NFE2L3: variants seen among roughly 807,000 people sequenced by gnomAD.
NFE2L3 encodes NFE2 like bZIP transcription factor 3.
A neutral mutation model predicts 23.5 loss-of-function variants in NFE2L3; 18 were observed. The ratio of observed to expected loss-of-function variants is 0.77; its 90% CI spans 0.53 to 1.13. The LOEUF (loss-of-function observed/expected upper bound fraction) is 1.13, where lower values mean the gene tolerates loss of function less well. Ranked by LOEUF, NFE2L3 falls within the 50% of genes most tolerant of loss-of-function variation. NFE2L3 has a pLI of 0.00. For synonymous variants in NFE2L3, 424 were observed against 354.5 expected (o/e 1.20, Z -2.20); for missense variants, 1,152 against 877.2 (o/e 1.31, Z -3.96).
chr7:26,181,776 A>C lies in NFE2L3; in HGVS notation c.751-1925A>C, dbSNP rs559112609. On this transcript the variant is annotated intron_variant, in intron 2 of 3. Transcript: ENST00000056233. ...ATCTATAAGGCAAGAACAGACTATCATGAAAAAAGAAAAAGATCTAGAAAA... is the reference window on the plus strand; with the variant it reads ...ATCTATAAGGCAAGAACAGACTATCCTGAAAAAAGAAAAAGATCTAGAAAA... Among the ~76,000 whole-genome samples, 158 of 152,176 alleles carry C rather than the reference A, an allele frequency of 1.0e-3. 2 individuals carry two copies. The highest frequency in any genetic ancestry group is 3.2e-3 in the Middle Eastern group (1 of 316).
intron 2 of NFE2L3, among the ~76,000 whole-genome samples, chr7:26,180,823 A>G (rs1210046145): frequency 2.0e-5 from 3 of 152,224 alleles, no homozygotes; most frequent in African/African-American, 4.8e-5. Context: ...GACAAACATC[A>G]ATTTGGACAA....
intron 1 of NFE2L3, among the ~76,000 whole-genome samples, chr7:26,171,100 A>C (rs934313500): frequency 6.6e-6 from 1 of 152,266 alleles, no homozygotes; most frequent in African/African-American, 2.4e-5. Context: ...AGGGCTTTTC[A>C]GTAGAATCCA....
intron 1 of NFE2L3, among the ~76,000 whole-genome samples, chr7:26,160,257 G>A (rs1200179085): frequency 6.6e-6 from 1 of 152,142 alleles, no homozygotes; most frequent in Non-Finnish European, 1.5e-5. Flanking sequence ...GCACCCGGCT[G>A]GATCTATGTT....
chr7:26,176,467 A>G (rs1364211192), intron 1 of NFE2L3, among the ~76,000 whole-genome samples: 1 of 151,568 alleles, frequency 6.6e-6, no homozygotes, highest in Admixed American at 6.6e-5. Flanking sequence ...CACTTCCCAG[A>G]CGGGGCGGCC....
At chr7:26,177,427 T>C (rs1784433267) in intron 1 of NFE2L3, among the ~76,000 whole-genome samples, 1 of 151,932 alleles carries the variant, frequency 6.6e-6, no homozygotes, top group African/African-American at 2.4e-5. Context: ...CGAAACCCCA[T>C]CTCCACCAAA....
At chr7:26,175,574 G>A (rs919034450) in intron 1 of NFE2L3, among the ~76,000 whole-genome samples, 23 of 151,890 alleles carry the variant, frequency 1.5e-4, no homozygotes, top group African/African-American at 3.9e-4. Context: ...TCAGGAGATC[G>A]AGACCATCCT....
intron 1 of NFE2L3, among the ~76,000 whole-genome samples, chr7:26,163,106 G>T (rs759235845): frequency 6.6e-6 from 1 of 152,068 alleles, no homozygotes; most frequent in Admixed American, 6.6e-5. Flanking sequence ...ATTCATGGCC[G>T]GTCATGTTTC....
intron 2 of NFE2L3, among the ~76,000 whole-genome samples, chr7:26,180,255 A>AGG (rs1429929008): frequency 6.6e-6 from 1 of 152,086 alleles, no homozygotes; most frequent in Non-Finnish European, 1.5e-5. Context: ...GATGAAGGGG[A>AGG]GGGGGTAGAG....
Position 26,152,975 on chromosome 7 carries a change from G to A in NFE2L3, c.477G>A (p.Ala159=). ...AGGGGGGCGGCGGGGACCCCCGAGC[G>A]GCTCGGAGTGGCCCCTTGGACGCCG... ...AVQGGGGDPR[A]ARSGPLDAGE... is the part of the protein sequence containing the mutation. Residue 159 remains alanine (A), a synonymous_variant, in exon 1 of 4, where the codon GCG becomes GCA. Coordinates refer to ENST00000056233, the MANE Select transcript of NFE2L3 (RefSeq NM_004289.7). This position sits in a 1 kb window ranked among gnomAD's most constrained non-coding sequence, Gnocchi z 4.4. 1.3e-6 allele frequency: 2 copies of A among 1,498,898 alleles called. No homozygotes were observed. Among genetic ancestry groups the A allele is most frequent in the Non-Finnish European group, 1.8e-6 (2 of 1,131,210 alleles). The allele number at this position is 1,498,898 out of a possible 1,614,324, so 92.8% of individuals were successfully genotyped here. A position where few individuals can be genotyped will look rare whatever the true frequency, so the allele number is the denominator to read the frequency against.
At position 26,184,590 on chromosome 7, in the gene NFE2L3, T is replaced by C. The variant is rs1782431210; in HGVS notation, c.892T>C (p.Ser298Pro). ...CAGTATCAGTGATGGCATGAATTCT[T>C]CAGCACATTATCATGTAAACTTCAG... ...PGSISDGMNS[S>P]AHYHVNFSQA... is the part of the protein sequence containing the mutation. Residue 298 changes from serine to proline, a missense_variant, in exon 4 of 4, where the codon TCA (serine) becomes CCA (proline). Physicochemically the swap from Ser to Pro is moderately conservative, Grantham distance 74. Coordinates refer to ENST00000056233, the MANE Select transcript of NFE2L3 (RefSeq NM_004289.7). The C allele has an allele frequency of 4.3e-6, 7 of 1,613,900 alleles. No individual in the cohort carries two copies. Among genetic ancestry groups the C allele is most frequent in the Non-Finnish European group, 5.9e-6 (7 of 1,179,782 alleles).
At chr7:26,181,836 A>T (rs1784517820) in intron 2 of NFE2L3, among the ~76,000 whole-genome samples, 1 of 152,142 alleles carries the variant, frequency 6.6e-6, no homozygotes, top group African/African-American at 2.4e-5. Context: ...GAAAAAAGTC[A>T]TTTTCATTGA....
Position 26,152,945 on chromosome 7 carries a change from T to C in NFE2L3, c.447T>C (p.Ala149=). ...CCAGCGTGGACGGCGGCAGCCAGGC[T>C]GTGCAGGGGGGCGGCGGGGACCCCC... ...AGASVDGGSQ[A]VQGGGGDPRA... Residue 149 remains alanine, a synonymous_variant, in exon 1 of 4, where the codon GCT becomes GCC. Transcript: ENST00000056233. This position sits in a 1 kb window ranked among gnomAD's most constrained non-coding sequence, Gnocchi z 4.4. The C allele has an allele frequency of 6.9e-7, 1 of 1,446,848 alleles. No homozygotes were observed. Among genetic ancestry groups the C allele is most frequent in the Non-Finnish European group, 9.0e-7 (1 of 1,112,804 alleles). 89.6% of individuals were successfully genotyped at this position (1,446,848 alleles called of 1,614,324 possible).
chr7:26,184,158 C>G (rs976641663), intron 3 of NFE2L3: 2 of 330,516 alleles, frequency 6.1e-6, no homozygotes, highest in Non-Finnish European at 1.1e-5. Context: ...AACAGCCTCT[C>G]TCCTCCAGAC....
chr7:26,184,932 T>C lies in NFE2L3; in HGVS notation c.1234T>C (p.Phe412Leu). The C allele has an allele frequency of 6.2e-7, 1 of 1,613,950 alleles. No homozygotes were observed. Among genetic ancestry groups the C allele is most frequent in the Non-Finnish European group, 8.5e-7 (1 of 1,179,844 alleles). The change falls in exon 4 of 4, where the codon TTT becomes CTT. Residue 412 changes from phenylalanine (F) to leucine (L), a missense_variant. Coordinates refer to ENST00000056233, the MANE Select transcript of NFE2L3 (RefSeq NM_004289.7). The stretch of plus-strand genomic sequence containing the variant: ...TGATCCAATCGATGTTTCTCAGCTT[T>C]TTGATGAACCAGATTCTGATTCTGG... The part of the protein sequence containing the change: ...NFDPIDVSQL[F>L]DEPDSDSGLS...
chr7:26,175,257 G>A (rs1045107383), intron 1 of NFE2L3, among the ~76,000 whole-genome samples: 7 of 151,962 alleles, frequency 4.6e-5, no homozygotes, highest in African/African-American at 9.7e-5. Context: ...CTACTTGGGA[G>A]GCTGAGGCAG....
intron 2 of NFE2L3, among the ~76,000 whole-genome samples, chr7:26,182,855 G>A (rs964565607): frequency 3.9e-5 from 6 of 152,138 alleles, no homozygotes; most frequent in African/African-American, 9.7e-5. Context: ...GTGTGGCAGC[G>A]CTGTCACGAC....
At chr7:26,157,467 G>A (rs62446343) in intron 1 of NFE2L3, among the ~76,000 whole-genome samples, 139 of 152,066 alleles carry the variant, frequency 9.1e-4, no homozygotes, top group Non-Finnish European at 1.8e-3. Context: ...TAAGAGTAAA[G>A]GAAAGAGAAA....
chr7:26,179,472 C>A (rs915525057), intron 2 of NFE2L3, among the ~76,000 whole-genome samples: 1 of 149,780 alleles, frequency 6.7e-6, no homozygotes. Flanking sequence ...TGCACTCCAA[C>A]CTGGGCAACA....
At chr7:26,177,667 C>T (rs756593073) in intron 1 of NFE2L3, among the ~76,000 whole-genome samples, 1 of 152,180 alleles carries the variant, frequency 6.6e-6, no homozygotes, top group Non-Finnish European at 1.5e-5. Flanking sequence ...TGCCTGCTGG[C>T]AACATTAATT....
Sources: gnomAD v4.1 joint callset for allele counts (sites outside exome capture counted in the v4.1 genomes callset) on GRCh38, gnomAD v4.1.1 for gene constraint, Gnocchi (gnomAD v3.1) non-coding constraint, MANE v1.5 for transcripts, NCBI Gene and HGNC (gene_info 2026-07-23, HGNC 2026-07-21) for gene names.